The following SSBP2 variants were observed in gnomAD, a reference collection of about 807,000 sequenced individuals.
The protein encoded by SSBP2 is single-stranded DNA-binding protein 2.
Under a neutral mutation model 61.8 loss-of-function variants are expected in SSBP2, and 17 were observed. That is an observed-to-expected ratio of 0.28 (90% CI 0.19 to 0.41). The LOEUF is 0.41. SSBP2 is among the 10% of genes least tolerant of loss of function. The pLI, the probability that SSBP2 is intolerant of heterozygous loss-of-function variation, is 1.00. For synonymous variants in SSBP2, 139 were observed against 141.3 expected, an observed-to-expected ratio of 0.98 and a Z score of 0.12; for missense variants, 310 against 458.7, an observed-to-expected ratio of 0.68 and a Z score of 2.96.
At chr5:81,730,658 G>C (rs1333387855) in intron 1 of SSBP2, among the ~76,000 whole-genome samples, 1 of 152,130 alleles carries the variant, frequency 6.6e-6, no homozygotes, top group African/African-American at 2.4e-5. Context: ...ATAAATTATA[G>C]GTCATAATTC....
chr5:81,729,159 G>A (rs1373327787), intron 1 of SSBP2, among the ~76,000 whole-genome samples: 1 of 151,756 alleles, frequency 6.6e-6, no homozygotes, highest in Non-Finnish European at 1.5e-5. Flanking sequence ...AATGTTAATG[G>A]GTTAAAAAAT....
At chr5:81,635,360 C>T (rs991556853) in intron 3 of SSBP2, among the ~76,000 whole-genome samples, 8 of 152,196 alleles carry the variant, frequency 5.3e-5, no homozygotes, top group Middle Eastern at 3.4e-3. Context: ...ACTTATTCCC[C>T]CCTTGTTCTT....
At chr5:81,652,269 T>G (rs1043016398) in intron 1 of SSBP2, among the ~76,000 whole-genome samples, 1 of 152,194 alleles carries the variant, frequency 6.6e-6, no homozygotes, top group Non-Finnish European at 1.5e-5. Flanking sequence ...TTGTAACGTC[T>G]TCTTTTTCAT....
rs1385181528 is a variant in SSBP2, at chr5:81,416,056, C to A, written c.*4448G>T. The A allele has an allele frequency of 2.6e-5, 4 of 151,426 alleles. No homozygotes were observed. Among genetic ancestry groups the A allele is most frequent in the Admixed American group, 2.6e-4 (4 of 15,170 alleles). 9.4% of individuals were successfully genotyped at this position (151,426 alleles called of 1,614,324 possible). A position where few individuals can be genotyped will look rare whatever the true frequency, so the allele number is the denominator to read the frequency against. ...TGGCCAACATGGTGAAACCCTGCCT[C>A]TACTAAAAATACAAAAATTAGCCTG... On this transcript the variant is annotated 3_prime_UTR_variant, in exon 17 of 17. Coordinates refer to ENST00000320672, the MANE Select transcript of SSBP2 (RefSeq NM_012446.5).
chr5:81,549,948 T>G (rs1280884400), intron 4 of SSBP2, among the ~76,000 whole-genome samples: 1 of 152,206 alleles, frequency 6.6e-6, no homozygotes, highest in Non-Finnish European at 1.5e-5. Flanking sequence ...TCACCTTTTG[T>G]GCCCTGCTTT....
intron 4 of SSBP2, among the ~76,000 whole-genome samples, chr5:81,586,544 GA>G (rs1224316674): frequency 2.7e-5 from 4 of 148,636 alleles, no homozygotes; most frequent in South Asian, 4.2e-4. Flanking sequence ...AGAACATGAG[GA>G]AACATTCCAG....
intron 1 of SSBP2, among the ~76,000 whole-genome samples, chr5:81,713,547 G>T (rs1440231555): frequency 6.6e-6 from 1 of 152,056 alleles, no homozygotes; most frequent in Non-Finnish European, 1.5e-5. Context: ...TCTTCCCTAG[G>T]GAATCTGACC....
chr5:81,607,818 C>A (rs1687808881), intron 4 of SSBP2, among the ~76,000 whole-genome samples: 1 of 152,150 alleles, frequency 6.6e-6, no homozygotes, highest in South Asian at 2.1e-4. Context: ...ATCTTAGGTA[C>A]TCAAGATACT....
chr5:81,656,868 G>A (rs940629239), intron 1 of SSBP2, among the ~76,000 whole-genome samples: 1 of 151,826 alleles, frequency 6.6e-6, no homozygotes, highest in African/African-American at 2.4e-5. Context: ...CAGCTTTTCA[G>A]GAAAATAACA....
intron 1 of SSBP2, among the ~76,000 whole-genome samples, chr5:81,665,251 T>C (rs1287846123): frequency 6.6e-6 from 1 of 152,174 alleles, no homozygotes; most frequent in African/African-American, 2.4e-5. Flanking sequence ...CAGTGGTTTG[T>C]AGTTTTCCTT....
At chr5:81,437,048 C>A (rs1012432749) in intron 15 of SSBP2, among the ~76,000 whole-genome samples, 2 of 152,094 alleles carry the variant, frequency 1.3e-5, no homozygotes, top group African/African-American at 4.8e-5. Context: ...ATAATAACCA[C>A]TTTTTCAAAT....
At chr5:81,576,893 A>C (rs1233708392) in intron 4 of SSBP2, among the ~76,000 whole-genome samples, 1 of 152,094 alleles carries the variant, frequency 6.6e-6, no homozygotes, top group Non-Finnish European at 1.5e-5. Flanking sequence ...AAACTATTTG[A>C]AAAAAGTATA....
rs150115853 is a variant in SSBP2 at position 81,592,021 on chromosome 5, C to T, written c.282+23452G>A. Among the ~76,000 whole-genome samples, 88 of 152,318 alleles carry T rather than the reference C, an allele frequency of 5.8e-4. 2 individuals carry two copies. The South Asian group carries it at 9.9e-3, about 17-fold the overall frequency. On this transcript the variant is annotated intron_variant, in intron 4 of 16. Transcript: ENST00000320672. ...TGGGTGCAGCGCACTGTGCGCAAGC[C>T]GAAGCAGGGCGAGGCATCGCCTCAC...
chr5:81,523,731 A>C (rs990104441), intron 4 of SSBP2, among the ~76,000 whole-genome samples: 2 of 152,196 alleles, frequency 1.3e-5, no homozygotes, highest in African/African-American at 2.4e-5. Flanking sequence ...CGTTACAGCC[A>C]CATGGTCAAA....
At chr5:81,438,361 AAAAAG>A (rs1230537625) in intron 14 of SSBP2, among the ~76,000 whole-genome samples, 4 of 152,036 alleles carry the variant, frequency 2.6e-5, no homozygotes, top group African/African-American at 7.2e-5. Context: ...AAAAAAAAAA[AAAAAG>A]AAATAGAATC....
At chr5:81,728,398 T>G (rs1756033735) in intron 1 of SSBP2, among the ~76,000 whole-genome samples, 1 of 152,202 alleles carries the variant, frequency 6.6e-6, no homozygotes, top group South Asian at 2.1e-4. Context: ...TTGTCCTCAT[T>G]TCATATTATG....
Position 81,488,477 on chromosome 5 carries a change from T to A in SSBP2, c.432+773A>T, listed in dbSNP as rs554386337. Among the ~76,000 whole-genome samples the A allele has an allele frequency of 3.9e-5, 6 of 152,254 alleles. No individual in the cohort carries two copies. In the South Asian group the frequency reaches 8.3e-4, roughly 21 times the overall value. The stretch of plus-strand genomic sequence containing the variant: ...TTGCATTTCCTTATGATTAGTGATA[T>A]TGAGCACCTTTTCATACACTATACC... On this transcript the variant is annotated intron_variant, in intron 6 of 16. Transcript: ENST00000320672.
chr5:81,420,487 G>A lies in SSBP2; in HGVS notation c.*17C>T. 1.2e-6 allele frequency: 2 copies of A among 1,612,584 alleles called. No individual in the cohort carries two copies. The highest frequency in any genetic ancestry group is 1.7e-6 in the Non-Finnish European group (2 of 1,178,676). On this transcript the variant is annotated 3_prime_UTR_variant, in exon 17 of 17. Coordinates refer to ENST00000320672, the MANE Select transcript of SSBP2 (RefSeq NM_012446.5). Reference sequence around the variant, plus strand: ...GGCTGACTCACTGTGGTTTTCATGAGGAGACTTGGTAATGGATCACACGCT... The same window carrying A: ...GGCTGACTCACTGTGGTTTTCATGAAGAGACTTGGTAATGGATCACACGCT...
At chr5:81,458,153 G>A (rs1764293943) in intron 10 of SSBP2, among the ~76,000 whole-genome samples, 1 of 152,134 alleles carries the variant, frequency 6.6e-6, no homozygotes, top group South Asian at 2.1e-4. Flanking sequence ...CTGAGAAACT[G>A]TTCCAAGTTA....
Sources: gnomAD v4.1 joint callset for allele counts (sites outside exome capture counted in the v4.1 genomes callset) on GRCh38, gnomAD v4.1.1 for gene constraint, MANE v1.5 for transcripts, NCBI Gene and HGNC (gene_info 2026-07-23, HGNC 2026-07-21) for gene names.